APBB2: variants seen among roughly 807,000 people sequenced by gnomAD.
APBB2 encodes the protein Fe65-like 1.
Under a neutral mutation model 82.5 loss-of-function variants are expected in APBB2, and 38 were observed. The observed-to-expected ratio is 0.46, with a 90% CI of 0.36 to 0.60. The LOEUF (loss-of-function observed/expected upper bound fraction) is 0.60. Ranked by LOEUF, APBB2 falls within the 20% of genes least tolerant of loss-of-function variation. The probability of loss-of-function intolerance (pLI) is 0.00; values close to 1 mark genes in which losing one functional copy is unlikely to be tolerated. For missense variants in APBB2, 772 were observed against 972.3 expected (o/e 0.79, Z 2.74); for synonymous variants, 341 against 368.2 (o/e 0.93, Z 0.85).
chr4:40,941,030 C>G (rs1340572614), intron 7 of APBB2, among the ~76,000 whole-genome samples: 2 of 152,206 alleles, frequency 1.3e-5, no homozygotes, highest in East Asian at 3.8e-4. Flanking sequence ...CTTAACACCT[C>G]CCAAGTGAAC....
intron 6 of APBB2, among the ~76,000 whole-genome samples, chr4:40,993,447 G>A (rs1347864289): frequency 1.4e-5 from 2 of 144,758 alleles, no homozygotes; most frequent in Non-Finnish European, 1.5e-5. Context: ...GCAGTGGTGT[G>A]ATCTTGGCTC....
chr4:40,861,503 G>A (rs1043251060), intron 12 of APBB2, among the ~76,000 whole-genome samples: 9 of 152,192 alleles, frequency 5.9e-5, no homozygotes, highest in African/African-American at 2.2e-4. Flanking sequence ...CTCCAGCCTG[G>A]ATTATAGAGC....
chr4:40,931,931 G>GT (rs1296496338), intron 10 of APBB2, among the ~76,000 whole-genome samples: 3 of 152,034 alleles, frequency 2.0e-5, no homozygotes, highest in Admixed American at 6.6e-5. Flanking sequence ...CTTTAGGAAC[G>GT]TAAGACAAAG....
At chr4:41,028,071 C>T (rs1715178488) in intron 5 of APBB2, among the ~76,000 whole-genome samples, 1 of 152,196 alleles carries the variant, frequency 6.6e-6, no homozygotes, top group African/African-American at 2.4e-5. Flanking sequence ...CACGTGTTTC[C>T]TCCTTTTCTG....
chr4:40,885,554 G>A (rs1294046403), intron 12 of APBB2, among the ~76,000 whole-genome samples: 1 of 152,112 alleles, frequency 6.6e-6, no homozygotes, highest in Non-Finnish European at 1.5e-5. Context: ...ACTGTTCTTC[G>A]TGCCTCTAAG....
intron 6 of APBB2, among the ~76,000 whole-genome samples, chr4:40,963,773 G>C (rs561893547): frequency 2.8e-4 from 43 of 152,354 alleles, no homozygotes; most frequent in African/African-American, 1.0e-3. Context: ...GTGCATGGCT[G>C]TGTCAAGAAG....
chr4:41,170,101 G>A (rs1001958090), intron 1 of APBB2, among the ~76,000 whole-genome samples: 2 of 152,184 alleles, frequency 1.3e-5, no homozygotes, highest in Non-Finnish European at 2.9e-5. Flanking sequence ...TACCAAGATG[G>A]CACAGTCTCT....
chr4:40,982,953 T>TCATG (rs764294974), intron 6 of APBB2, among the ~76,000 whole-genome samples: 67 of 152,300 alleles, frequency 4.4e-4, no homozygotes, highest in Non-Finnish European at 8.7e-4. Context: ...TGGCCCTTTG[T>TCATG]CATGCCCTTC....
chr4:41,188,756 T>C (rs1342711840), intron 1 of APBB2, among the ~76,000 whole-genome samples: 1 of 152,046 alleles, frequency 6.6e-6, no homozygotes, highest in Non-Finnish European at 1.5e-5. Flanking sequence ...GGGTTAAAAG[T>C]GGTGGCAACT....
chr4:41,159,907 A>AAGGAGAAGGAGAAGGAGAAGGAGGAGG (rs1267899128), intron 1 of APBB2, among the ~76,000 whole-genome samples: 6 of 35,586 alleles, frequency 1.7e-4, no homozygotes, highest in East Asian at 9.7e-4. Flanking sequence ...GAAGAAGGAG[A>AAGGAGAAGGAGAAGGAGAAGGAGGAGG]AGGAGGAGGA....
rs1553930075 is a variant in APBB2, at chr4:40,832,013, TACACACAC to T, written c.1530-1444_1530-1437del. On this transcript the variant is annotated intron_variant, in intron 12 of 17. Coordinates refer to ENST00000508593, the MANE Select transcript of APBB2 (RefSeq NM_004307.2). The surrounding 1 kb of genome is among the most constrained non-coding windows in gnomAD (Gnocchi z 4.8). ...ACACATATTTATATATTTATTTATA[TACACACAC>T]ACACACACACACACACACACACACA... Among the ~76,000 whole-genome samples, 38 of 138,978 alleles carry T rather than the reference TACACACAC, an allele frequency of 2.7e-4. 1 individual carries two copies. Among genetic ancestry groups the T allele is most frequent in the Middle Eastern group, 3.6e-3 (1 of 278 alleles). The allele number at this position is 138,978 out of a possible 152,430, so 91.2% of individuals were successfully genotyped here. A position where few individuals can be genotyped will look rare whatever the true frequency, so the allele number is the denominator to read the frequency against.
Position 40,826,190 on chromosome 4 carries a change from G to A in APBB2, c.1733-220C>T, listed in dbSNP as rs1054473811. On this transcript the variant is annotated intron_variant, in intron 14 of 17. Coordinates refer to ENST00000508593, the MANE Select transcript of APBB2 (RefSeq NM_004307.2). This position sits in a 1 kb window ranked among gnomAD's most constrained non-coding sequence, Gnocchi z 4.5. ...CAACTTTCAAGATAGGAATGCATGT[G>A]AAAGCAGGAAGTGGCATCTATGTGT... is the stretch of plus-strand genomic sequence containing the variant. The A allele has an allele frequency of 3.7e-6, 2 of 536,444 alleles. No individual in the cohort carries two copies. The highest frequency in any genetic ancestry group is 3.8e-5 in the African/African-American group (2 of 52,422). The allele number at this position is 536,444 out of a possible 1,614,324, so 33.2% of individuals were successfully genotyped here.
rs115573858 is a variant in APBB2 at position 40,870,010 on chromosome 4, A to G, written c.1529+20354T>C. Among the ~76,000 whole-genome samples the G allele has an allele frequency of 3.3e-5, 5 of 151,990 alleles. No individual in the cohort carries two copies. The East Asian group carries it at 5.8e-4, about 18-fold the overall frequency. ...CCTTCAAGTTTAAATGGAAGAGAGAAAAAACATTCAAGTGTCTAAAAACTT... is the reference window on the plus strand; with the variant it reads ...CCTTCAAGTTTAAATGGAAGAGAGAGAAAACATTCAAGTGTCTAAAAACTT... On this transcript the variant is annotated intron_variant, in intron 12 of 17. Transcript: ENST00000508593.
At chr4:41,088,342 C>T (rs1035478182) in intron 3 of APBB2, among the ~76,000 whole-genome samples, 4 of 152,212 alleles carry the variant, frequency 2.6e-5, no homozygotes, top group Admixed American at 6.5e-5. Context: ...TATACACCCA[C>T]TATGGTTTAT....
intron 5 of APBB2, among the ~76,000 whole-genome samples, chr4:41,028,941 C>G (rs1376728043): frequency 1.3e-5 from 2 of 152,178 alleles, no homozygotes; most frequent in Non-Finnish European, 2.9e-5. Flanking sequence ...AGACCTTTAG[C>G]CTTTTGTCAA....
intron 1 of APBB2, among the ~76,000 whole-genome samples, chr4:41,188,121 T>C (rs1560987764): frequency 6.6e-6 from 1 of 152,180 alleles, no homozygotes; most frequent in Non-Finnish European, 1.5e-5. Context: ...CTTTCTATTC[T>C]AGGGGAACAT....
At chr4:41,105,921 A>G (rs1747075284) in intron 2 of APBB2, among the ~76,000 whole-genome samples, 1 of 152,076 alleles carries the variant, frequency 6.6e-6, no homozygotes. Context: ...AACTATTATA[A>G]TCAACCAGAA....
chr4:40,828,307 G>C, intron 13 of APBB2, among the ~76,000 whole-genome samples: 1 of 152,116 alleles, frequency 6.6e-6, no homozygotes, highest in Non-Finnish European at 1.5e-5. Context: ...GTTACATACA[G>C]TGCTGTGGGT....
chr4:40,905,905 T>C (rs1310742256), intron 10 of APBB2, among the ~76,000 whole-genome samples: 1 of 152,040 alleles, frequency 6.6e-6, no homozygotes, highest in Non-Finnish European at 1.5e-5. Flanking sequence ...CCTGACCCCT[T>C]GTGTGGCTCG....
Sources: gnomAD v4.1 joint callset for allele counts (sites outside exome capture counted in the v4.1 genomes callset) on GRCh38, gnomAD v4.1.1 for gene constraint, Gnocchi (gnomAD v3.1) non-coding constraint, MANE v1.5 for transcripts, NCBI Gene and HGNC (gene_info 2026-07-23, HGNC 2026-07-21) for gene names.